Variants in DCUN1D5 observed in about 807,000 individuals in gnomAD.
DCUN1D5 encodes defective in cullin neddylation 1 domain containing 5.
Under a neutral mutation model 38.3 loss-of-function variants are expected in DCUN1D5, and 10 were observed. That is an observed-to-expected ratio of 0.26 (90% CI 0.16 to 0.44). The LOEUF is 0.44. DCUN1D5 is among the 20% of genes least tolerant of loss of function. The pLI is 1.00. For missense variants in DCUN1D5, 148 were observed against 275.3 expected (o/e 0.54, Z 3.27); for synonymous variants, 93 against 90.9 (o/e 1.02, Z -0.13).
chr11:103,060,645 C>T lies in DCUN1D5; in HGVS notation c.*1714G>A, dbSNP rs1049266000. ...ATGTCATCTATAAGCTTTAAGTGTT[C>T]CCTATTTTACTCAAATACTGAAGAT... On this transcript the variant is annotated 3_prime_UTR_variant, in exon 8 of 8. Transcript: ENST00000260247. Among the ~76,000 whole-genome samples the T allele has an allele frequency of 5.3e-5, 8 of 152,028 alleles. No individual in the cohort carries two copies. Among genetic ancestry groups the T allele is most frequent in the African/African-American group, 2.4e-5 (1 of 41,398 alleles).
At chr11:103,089,407 T>A in intron 1 of DCUN1D5, 89 bp from the exon 2 acceptor site, 1 of 1,174,350 alleles carries the variant, frequency 8.5e-7, no homozygotes. Context: ...TCCATTCACA[T>A]TAAACAAAGG....
At chr11:103,074,360 C>T (rs898607706) in intron 4 of DCUN1D5, among the ~76,000 whole-genome samples, 2 of 152,122 alleles carry the variant, frequency 1.3e-5, no homozygotes, top group African/African-American at 4.8e-5. Flanking sequence ...GATCACTGAT[C>T]CTTACAAGTC....
At position 103,052,281 on chromosome 11, in the gene DCUN1D5, A is replaced by G. The variant is rs1861761372; in HGVS notation, c.*10078T>C. On this transcript the variant is annotated 3_prime_UTR_variant, in exon 8 of 8. Coordinates refer to ENST00000260247, the MANE Select transcript of DCUN1D5 (RefSeq NM_032299.4). ...AACGTTTTACAGACATATGTGTACA[A>G]TTGGTCATTCATTCATTAATTCAGT... 1 of 152,180 alleles carries G rather than the reference A, an allele frequency of 6.6e-6. No homozygotes were observed. Among genetic ancestry groups the G allele is most frequent in the Non-Finnish European group, 1.5e-5 (1 of 68,022 alleles). 9.4% of individuals were successfully genotyped at this position (152,180 alleles called of 1,614,324 possible).
In DCUN1D5 at chr11:103,060,599, T is replaced by C. The variant is rs558858349; in HGVS notation, c.*1760A>G. On this transcript the variant is annotated 3_prime_UTR_variant, in exon 8 of 8. Transcript: ENST00000260247. ...TATACCAAGGATGCCTGTGCTTTCA[T>C]AAATATACCTTTTAAAAAACATGTC... Among the ~76,000 whole-genome samples the C allele has an allele frequency of 6.6e-6, 1 of 152,272 alleles. No homozygotes were observed. Among genetic ancestry groups the C allele is most frequent in the Admixed American group, 6.5e-5 (1 of 15,290 alleles).
At position 103,078,353 on chromosome 11, in the gene DCUN1D5, T is replaced by C. The variant is rs539730912; in HGVS notation, c.341+4395A>G. 4.1e-4 allele frequency among the ~76,000 whole-genome samples: 63 copies of C among 152,332 alleles called. No individual in the cohort carries two copies. The Middle Eastern group carries it at 0.017, about 41-fold the overall frequency. Reference sequence around the variant, plus strand: ...AGAACAAAAACTCGCCAAGTATCCTTGAAACCTCGTATCTATAGACGAAGG... The same window carrying C: ...AGAACAAAAACTCGCCAAGTATCCTCGAAACCTCGTATCTATAGACGAAGG... On this transcript the variant is annotated intron_variant, in intron 4 of 7. Coordinates refer to ENST00000260247, the MANE Select transcript of DCUN1D5 (RefSeq NM_032299.4). The surrounding 1 kb of genome is among the most constrained non-coding windows in gnomAD (Gnocchi z 4.6).
chr11:103,075,688 TTA>T (rs1256278982), intron 4 of DCUN1D5, among the ~76,000 whole-genome samples: 1 of 152,202 alleles, frequency 6.6e-6, no homozygotes, highest in African/African-American at 2.4e-5. Flanking sequence ...CAAGATGTTT[TTA>T]TATGTTATCC....
At chr11:103,079,147 G>T (rs562882587) in intron 4 of DCUN1D5, among the ~76,000 whole-genome samples, 1 of 152,290 alleles carries the variant, frequency 6.6e-6, no homozygotes, top group Admixed American at 6.5e-5. Flanking sequence ...AGGGATCTAG[G>T]TTGCATGCGC....
In DCUN1D5 at chr11:103,083,766, T is replaced by C. The variant is rs1862628413; in HGVS notation, c.179-440A>G. ...ATACAGTAATCAGAAGGGGAATATA[T>C]TTACCTATAAAACAGGCCATTTATT... On this transcript the variant is annotated intron_variant, in intron 2 of 7. Coordinates refer to ENST00000260247, the MANE Select transcript of DCUN1D5 (RefSeq NM_032299.4). The surrounding 1 kb of genome is among the most constrained non-coding windows in gnomAD (Gnocchi z 4.4). Among the ~76,000 whole-genome samples the C allele has an allele frequency of 6.6e-6, 1 of 152,146 alleles. No individual in the cohort carries two copies. The highest frequency in any genetic ancestry group is 6.5e-5 in the Admixed American group (1 of 15,278).
chr11:103,074,430 G>A (rs1439487365), intron 4 of DCUN1D5, among the ~76,000 whole-genome samples: 1 of 152,076 alleles, frequency 6.6e-6, no homozygotes, highest in Non-Finnish European at 1.5e-5. Flanking sequence ...TTTGTTTTGA[G>A]ATTGAGTCTC....
rs1011673349 is a variant in DCUN1D5 at position 103,050,722 on chromosome 11, T to G, written c.*11637A>C. On this transcript the variant is annotated 3_prime_UTR_variant, in exon 8 of 8. Coordinates refer to ENST00000260247, the MANE Select transcript of DCUN1D5 (RefSeq NM_032299.4). ...TGAAATCATTTATTTATCTATTCAT[T>G]TTCATTTATTCCATTTATTGAGTGC... 1.3e-5 allele frequency: 2 copies of G among 152,226 alleles called. No homozygotes were observed. Among genetic ancestry groups the G allele is most frequent in the Non-Finnish European group, 2.9e-5 (2 of 68,032 alleles). The allele number at this position is 152,226 out of a possible 1,614,324, so 9.4% of individuals were successfully genotyped here. A position where few individuals can be genotyped will look rare whatever the true frequency, so the allele number is the denominator to read the frequency against.
intron 4 of DCUN1D5, among the ~76,000 whole-genome samples, chr11:103,079,145 AG>A (rs1465810864): frequency 3.3e-5 from 5 of 152,160 alleles, no homozygotes; most frequent in Admixed American, 2.0e-4. Flanking sequence ...CGAGGGATCT[AG>A]GTTGCATGCG....
rs531173303 is a variant in DCUN1D5, at chr11:103,061,977, C to A, written c.*382G>T. On this transcript the variant is annotated 3_prime_UTR_variant, in exon 8 of 8. Coordinates refer to ENST00000260247, the MANE Select transcript of DCUN1D5 (RefSeq NM_032299.4). ...GCCAAATATTAAGACTGTTTAAAAT[C>A]TTGAAAATTCTGTAAATTCACGGTG... is the stretch of plus-strand genomic sequence containing the variant. 10 of 182,346 alleles carry A rather than the reference C, an allele frequency of 5.5e-5. No homozygotes were observed. The highest frequency in any genetic ancestry group is 1.0e-4 in the Non-Finnish European group (9 of 88,650). 11.3% of individuals were successfully genotyped at this position (182,346 alleles called of 1,614,324 possible).
rs375477312 is a variant in DCUN1D5, at chr11:103,066,543, T to C, written c.366A>G (p.Gln122=). Residue 122 remains glutamine, a synonymous_variant, in exon 5 of 8, where the codon CAA becomes CAG. Transcript: ENST00000260247. This position sits in a 1 kb window ranked among gnomAD's most constrained non-coding sequence, Gnocchi z 4.7. ...SLQCDCTEKL[Q]NKFDFLRSQL... ...GTGAGCGCAAAAAGTCAAATTTGTT[T>C]TGTAACTTTTCTGTGCAGTCACACC... is the stretch of plus-strand genomic sequence containing the variant. 2 of 1,610,772 alleles carry C rather than the reference T, an allele frequency of 1.2e-6. No homozygotes were observed. Among genetic ancestry groups the C allele is most frequent in the African/African-American group, 1.3e-5 (1 of 74,946 alleles).
chr11:103,080,735 G>A (rs962291216), intron 4 of DCUN1D5, among the ~76,000 whole-genome samples: 4 of 152,160 alleles, frequency 2.6e-5, no homozygotes, highest in African/African-American at 4.8e-5. Context: ...TTGGCCGGGC[G>A]CTGTGGCTCA....
At chr11:103,085,900 A>C (rs1176622484) in intron 2 of DCUN1D5, among the ~76,000 whole-genome samples, 1 of 152,002 alleles carries the variant, frequency 6.6e-6, no homozygotes, top group Non-Finnish European at 1.5e-5. Context: ...TTTTGACTCT[A>C]TGAGACTTTA....
In DCUN1D5 at chr11:103,050,990, G is replaced by A. The variant is rs1395770217; in HGVS notation, c.*11369C>T. On this transcript the variant is annotated 3_prime_UTR_variant, in exon 8 of 8. Coordinates refer to ENST00000260247, the MANE Select transcript of DCUN1D5 (RefSeq NM_032299.4). ...AGGGGGGAAACCCTCCATGTCTACA[G>A]GATGCAGTAGAGATCTTGGGCATTC... is the stretch of plus-strand genomic sequence containing the variant. The A allele has an allele frequency of 6.6e-6, 1 of 152,182 alleles. No homozygotes were observed. Among genetic ancestry groups the A allele is most frequent in the African/African-American group, 2.4e-5 (1 of 41,448 alleles). 9.4% of individuals were successfully genotyped at this position (152,182 alleles called of 1,614,324 possible). A position where few individuals can be genotyped will look rare whatever the true frequency, so the allele number is the denominator to read the frequency against.
intron 4 of DCUN1D5, among the ~76,000 whole-genome samples, chr11:103,082,410 C>T (rs1386477626): frequency 2.0e-5 from 3 of 152,110 alleles, no homozygotes; most frequent in Middle Eastern, 6.8e-3. Flanking sequence ...CATACTCCTT[C>T]GATAGTAGAA....
At chr11:103,076,488 A>G (rs143736249) in intron 4 of DCUN1D5, among the ~76,000 whole-genome samples, 1 of 152,346 alleles carries the variant, frequency 6.6e-6, no homozygotes. Flanking sequence ...AGCTTAAGAA[A>G]TAAAGTGAAG....
chr11:103,057,084 C>A lies in DCUN1D5; in HGVS notation c.*5275G>T, dbSNP rs1220593795. On this transcript the variant is annotated 3_prime_UTR_variant, in exon 8 of 8. Transcript: ENST00000260247. This position sits in a 1 kb window ranked among gnomAD's most constrained non-coding sequence, Gnocchi z 4.8. ...CTTCTATAAACTCTCTCTCAATAGG[C>A]ATAGTTTCAGGGAATAATGTAAATT... Among the ~76,000 whole-genome samples, 1 of 151,234 alleles carries A rather than the reference C, an allele frequency of 6.6e-6. No homozygotes were observed. The highest frequency in any genetic ancestry group is 1.5e-5 in the Non-Finnish European group (1 of 68,026).
Sources: allele counts gnomAD v4.1 joint callset (sites outside exome capture counted in the v4.1 genomes callset), GRCh38; gene constraint gnomAD v4.1.1; non-coding constraint Gnocchi (gnomAD v3.1); transcripts MANE v1.5; gene names NCBI Gene and HGNC (gene_info 2026-07-23, HGNC 2026-07-21).